The following BRWD3 variants were observed in gnomAD, a reference collection of about 807,000 sequenced individuals.
BRWD3 encodes bromodomain and WD repeat domain containing 3.
Under a neutral mutation model 149.7 loss-of-function variants are expected in BRWD3, and 10 were observed. That is an observed-to-expected ratio of 0.07 (90% CI 0.04 to 0.11). BRWD3 has a LOEUF of 0.11. Among genes scored for constraint, BRWD3 ranks in the 10% least tolerant of loss-of-function variants. BRWD3 has a pLI of 1.00. For synonymous variants in BRWD3, 504 were observed against 456.7 expected, an observed-to-expected ratio of 1.10 and a Z score of -1.32; for missense variants, 940 against 1,373.2, an observed-to-expected ratio of 0.68 and a Z score of 4.99.
chrX:80,770,096 G>A (rs2073918867), intron 6 of BRWD3, among the ~76,000 whole-genome samples: 1 of 111,394 alleles, frequency 9.0e-6, no homozygotes, highest in South Asian at 3.7e-4. Context: ...CTCTAAAATT[G>A]AGGCAATAAT....
chrX:80,808,483 G>C, intron 4 of BRWD3, 56 bp downstream of exon 4: 1 of 1,027,746 alleles, frequency 9.7e-7, no homozygotes, highest in South Asian at 1.9e-5. Flanking sequence ...GGGGGTACAA[G>C]GTGGGGAGGG....
intron 8 of BRWD3, 95 bp downstream of exon 8, chrX:80,743,937 A>T (rs1422522106): frequency 2.7e-6 from 2 of 737,052 alleles, no homozygotes; most frequent in African/African-American, 4.3e-5. Flanking sequence ...TTCTCTTGTT[A>T]TTCTTTGGGC....
chrX:80,735,023 C>T (rs1020305914), intron 10 of BRWD3, 104 bp downstream of exon 10: 10 of 702,513 alleles, frequency 1.4e-5, no homozygotes, highest in African/African-American at 2.1e-5. Flanking sequence ...TTTTGATATC[C>T]TTCAATTAAC....
chrX:80,685,773 G>A (rs559235193), intron 35 of BRWD3, among the ~76,000 whole-genome samples: 3 of 111,560 alleles, frequency 2.7e-5, no homozygotes, highest in African/African-American at 9.8e-5. Context: ...ACACAATCTC[G>A]TTCCTTACTT....
At chrX:80,748,661 T>C (rs1275035946) in intron 6 of BRWD3, among the ~76,000 whole-genome samples, 2 of 111,150 alleles carry the variant, frequency 1.8e-5, no homozygotes, top group African/African-American at 3.3e-5. Flanking sequence ...TTTGTCAATA[T>C]TGTTTACCTT....
At chrX:80,771,973 T>G (rs2073948890) in intron 6 of BRWD3, among the ~76,000 whole-genome samples, 1 of 111,469 alleles carries the variant, frequency 9.0e-6, no homozygotes, top group South Asian at 3.8e-4. Flanking sequence ...AAACAACAGA[T>G]GCTGGAGAGG....
At chrX:80,710,259 A>C (rs758081610) in intron 20 of BRWD3, 1 of 373,186 alleles carries the variant, frequency 2.7e-6, no homozygotes, top group East Asian at 5.5e-5. Flanking sequence ...ATTGGAAGCA[A>C]GACCCAAATA....
In BRWD3 at chrX:80,736,104, AT is replaced by A; in HGVS notation, c.814-17del. 1 of 1,028,633 alleles carries A rather than the reference AT, an allele frequency of 9.7e-7. No individual in the cohort carries two copies. The highest frequency in any genetic ancestry group is 2.3e-5 in the Admixed American group (1 of 42,670). The allele number at this position is 1,028,633 out of a possible 1,213,427, so 84.8% of individuals were successfully genotyped here. ...ATGGACAAAACTTAAAAAAAAAAAA[AT>A]CTGATTCAAATAAAAAGTTTTCATG... On this transcript the variant is annotated splice_polypyrimidine_tract_variant and intron_variant, in intron 8 of 40. Coordinates refer to ENST00000373275, the MANE Select transcript of BRWD3 (RefSeq NM_153252.5).
rs967838013 is a variant in BRWD3, at chrX:80,733,360, G to A, written c.1127+96C>T. The A allele has an allele frequency of 1.8e-5, 12 of 683,951 alleles. No individual in the cohort carries two copies. In the East Asian group the frequency reaches 3.7e-4, roughly 21 times the overall value. The allele number at this position is 683,951 out of a possible 1,213,427, so 56.4% of individuals were successfully genotyped here. A position where few individuals can be genotyped will look rare whatever the true frequency, so the allele number is the denominator to read the frequency against. ...GGCTTTGAACCTAAATAACTGGACAGAAATAAGGTATCTATCATAGAAGTA... is the reference window on the plus strand; with the variant it reads ...GGCTTTGAACCTAAATAACTGGACAAAAATAAGGTATCTATCATAGAAGTA... On this transcript the variant is annotated intron_variant, in intron 12 of 40. Coordinates refer to ENST00000373275, the MANE Select transcript of BRWD3 (RefSeq NM_153252.5).
At position 80,672,310 on chromosome X, in the gene BRWD3, A is replaced by G. The variant is rs1260996974; in HGVS notation, c.*4299T>C. 9.5e-6 allele frequency: 1 copy of G among 105,078 alleles called. No homozygotes were observed. The highest frequency in any genetic ancestry group is 1.9e-5 in the Non-Finnish European group (1 of 51,339). 8.7% of individuals were successfully genotyped at this position (105,078 alleles called of 1,213,427 possible). A position where few individuals can be genotyped will look rare whatever the true frequency, so the allele number is the denominator to read the frequency against. Reference sequence around the variant, plus strand: ...TGAAAAGATGAAAAAAGAAATAATCAAGAATAAGGGTATATAGGCCGGGCA... The same window carrying G: ...TGAAAAGATGAAAAAAGAAATAATCGAGAATAAGGGTATATAGGCCGGGCA... On this transcript the variant is annotated 3_prime_UTR_variant, in exon 41 of 41. Coordinates refer to ENST00000373275, the MANE Select transcript of BRWD3 (RefSeq NM_153252.5).
chrX:80,717,866 G>A, intron 18 of BRWD3, 107 bp from the exon 19 acceptor site: 1 of 682,470 alleles, frequency 1.5e-6, no homozygotes, highest in Non-Finnish European at 2.3e-6. Context: ...ACTGCTGTAA[G>A]AATTGCTATC....
intron 27 of BRWD3, among the ~76,000 whole-genome samples, chrX:80,695,315 C>T (rs1387920179): frequency 8.9e-6 from 1 of 111,817 alleles, no homozygotes; most frequent in Admixed American, 9.5e-5. Flanking sequence ...TGAAAATGAA[C>T]TAATACATAT....
intron 8 of BRWD3, among the ~76,000 whole-genome samples, chrX:80,743,323 T>A (rs1416229635): frequency 4.5e-5 from 5 of 112,012 alleles, no homozygotes; most frequent in Non-Finnish European, 9.4e-5. Flanking sequence ...GATTTTTGCA[T>A]CGATGTTCAT....
At position 80,734,153 on chromosome X, in the gene BRWD3, C is replaced by T. The variant is rs759506609; in HGVS notation, c.1051G>A (p.Val351Ile). 8.3e-7 allele frequency: 1 copy of T among 1,201,819 alleles called. No homozygotes were observed. Among genetic ancestry groups the T allele is most frequent in the Non-Finnish European group, 1.1e-6 (1 of 886,832 alleles). ...TCTAATTCAGCAATTTTCTCAGGAA[C>T]CTCAGAACCCAAATAATATATTCTA... Reference protein sequence around the residue: ...VIRIYYLGSEVPEKIAELESH... With the variant: ...VIRIYYLGSEIPEKIAELESH... The change falls in exon 11 of 41, where the codon GTT (valine) becomes ATT (isoleucine). Residue 351 changes from valine to isoleucine, a missense_variant. Coordinates refer to ENST00000373275, the MANE Select transcript of BRWD3 (RefSeq NM_153252.5).
intron 28 of BRWD3, among the ~76,000 whole-genome samples, 172 bp downstream of exon 28, chrX:80,692,768 C>G (rs1176555012): frequency 8.9e-6 from 1 of 111,733 alleles, no homozygotes; most frequent in African/African-American, 3.3e-5. Flanking sequence ...TTTGCTTTGA[C>G]TAAAACAAGG....
intron 6 of BRWD3, among the ~76,000 whole-genome samples, chrX:80,787,869 G>C (rs1207177582): frequency 2.8e-5 from 3 of 108,735 alleles, no homozygotes; most frequent in Non-Finnish European, 5.7e-5. Context: ...CGGATCATGA[G>C]GTCAGGAGAT....
intron 20 of BRWD3, among the ~76,000 whole-genome samples, chrX:80,715,564 C>T (rs774280684): frequency 8.9e-6 from 1 of 112,018 alleles, no homozygotes; most frequent in Non-Finnish European, 1.9e-5. Context: ...TCATATTTTG[C>T]TCCTAAATGA....
intron 14 of BRWD3, among the ~76,000 whole-genome samples, chrX:80,728,357 CT>C (rs781182419): frequency 2.3e-4 from 26 of 111,116 alleles, no homozygotes; most frequent in Non-Finnish European, 4.2e-4. Context: ...CTTTCTTTTC[CT>C]ACTTCTTCCT....
At chrX:80,679,449 T>C (rs1264013535) in intron 40 of BRWD3, among the ~76,000 whole-genome samples, 2 of 111,984 alleles carry the variant, frequency 1.8e-5, no homozygotes, top group Non-Finnish European at 3.8e-5. Flanking sequence ...TTTTTTATTT[T>C]TTAAGGAAGC....
Sources: allele counts gnomAD v4.1 joint callset (sites outside exome capture counted in the v4.1 genomes callset), GRCh38; gene constraint gnomAD v4.1.1; transcripts MANE v1.5; gene names NCBI Gene and HGNC (gene_info 2026-07-23, HGNC 2026-07-21).